Variants in PCYT1B observed in about 807,000 individuals in gnomAD.
PCYT1B encodes the protein phosphate cytidylyltransferase 1B, choline.
PCYT1B carries 10 observed loss-of-function variants against 26.4 expected under a neutral mutation model. The observed-to-expected ratio is 0.38, with a 90% confidence interval of 0.23 to 0.64. The LOEUF is 0.64. PCYT1B is among the 30% of genes least tolerant of loss of function. The probability of loss-of-function intolerance (pLI) is 0.56; values close to 1 mark genes in which losing one functional copy is unlikely to be tolerated. For synonymous variants in PCYT1B, 131 were observed against 108.4 expected (o/e 1.21, Z -1.29); for missense variants, 161 against 292.7 (o/e 0.55, Z 3.28).
At chrX:24,592,797 T>C (rs1306145554) in intron 3 of PCYT1B, among the ~76,000 whole-genome samples, 4 of 112,066 alleles carry the variant, frequency 3.6e-5, no homozygotes, top group Non-Finnish European at 7.5e-5. Context: ...GTTTCTTGAA[T>C]GCTTCTTCTC....
chrX:24,573,174 A>G (rs892569741), intron 7 of PCYT1B, among the ~76,000 whole-genome samples: 10 of 106,454 alleles, frequency 9.4e-5, no homozygotes, highest in Non-Finnish European at 3.9e-5. Context: ...ATATATATAT[A>G]TATTTTTGAG....
intron 2 of PCYT1B, among the ~76,000 whole-genome samples, chrX:24,616,270 C>T (rs1390532290): frequency 1.5e-4 from 13 of 88,109 alleles, no homozygotes; most frequent in Non-Finnish European, 2.8e-4. Flanking sequence ...CAGAGTCTTG[C>T]GCTGTCGCCT....
chrX:24,579,220 C>T, intron 6 of PCYT1B, 96 bp downstream of exon 6: 1 of 695,490 alleles, frequency 1.4e-6, no homozygotes, highest in Non-Finnish European at 2.1e-6. Context: ...AGAGGGAGAA[C>T]ACTGCATAGC....
At chrX:24,652,481 C>A (rs1412995331) in intron 1 of PCYT1B, among the ~76,000 whole-genome samples, 1 of 109,836 alleles carries the variant, frequency 9.1e-6, no homozygotes, top group Non-Finnish European at 1.9e-5. Flanking sequence ...ATCGCTTGAA[C>A]CCAGGAGGCG....
upstream of PCYT1B, among the ~76,000 whole-genome samples, chrX:24,648,355 T>C (rs928796543): frequency 4.6e-5 from 5 of 109,667 alleles, no homozygotes; most frequent in African/African-American, 1.7e-4. Flanking sequence ...TTAATCTTTG[T>C]GAGAACCCAA....
intron 1 of PCYT1B, among the ~76,000 whole-genome samples, chrX:24,641,451 GAAGT>G (rs777339004): frequency 4.1e-4 from 46 of 112,475 alleles, no homozygotes; most frequent in African/African-American, 1.4e-3. Flanking sequence ...TGCAAAACAT[GAAGT>G]AAGGAAAAGT....
intron 3 of PCYT1B, among the ~76,000 whole-genome samples, chrX:24,593,703 T>A (rs1276841642): frequency 9.2e-6 from 1 of 108,697 alleles, no homozygotes; most frequent in Non-Finnish European, 1.9e-5. Flanking sequence ...ATTTTTGTAT[T>A]TTTAATAGAG....
chrX:24,626,098 G>C (rs1290717302), intron 1 of PCYT1B, among the ~76,000 whole-genome samples: 1 of 110,582 alleles, frequency 9.0e-6, no homozygotes, highest in East Asian at 2.8e-4. Flanking sequence ...TGGGTGACAA[G>C]AGTGAAACTC....
At chrX:24,564,588 G>A (rs911895152) in intron 7 of PCYT1B, among the ~76,000 whole-genome samples, 7 of 110,296 alleles carry the variant, frequency 6.3e-5, no homozygotes, top group Admixed American at 9.6e-5. Context: ...TCCTGACCTC[G>A]TGATCCGCCC....
Position 24,562,522 on chromosome X carries a change from G to A in PCYT1B, c.898-17C>T. On this transcript the variant is annotated splice_polypyrimidine_tract_variant and intron_variant, in intron 7 of 7. Transcript: ENST00000379144. ...CATCTGCTTCTAAAGATAAATTGGA[G>A]AGAAGGCATCTGTTAACTTTGCAAT... The A allele has an allele frequency of 8.5e-7, 1 of 1,179,814 alleles. No homozygotes were observed. The highest frequency in any genetic ancestry group is 1.1e-6 in the Non-Finnish European group (1 of 875,266).
At chrX:24,652,841 T>C (rs1926813163) in intron 1 of PCYT1B, among the ~76,000 whole-genome samples, 1 of 111,417 alleles carries the variant, frequency 9.0e-6, no homozygotes, top group East Asian at 2.9e-4. Context: ...CCCAGCACTT[T>C]GGGAGGCTGA....
At chrX:24,593,667 C>T (rs992302455) in intron 3 of PCYT1B, among the ~76,000 whole-genome samples, 4 of 108,737 alleles carry the variant, frequency 3.7e-5, no homozygotes, top group Admixed American at 2.0e-4. Flanking sequence ...GCTGGGATTA[C>T]AGGCACCTGC....
At chrX:24,645,115 C>T (rs1208220581) in intron 1 of PCYT1B, among the ~76,000 whole-genome samples, 1 of 110,453 alleles carries the variant, frequency 9.1e-6, no homozygotes, top group African/African-American at 3.3e-5. Context: ...ATTTTCTCTG[C>T]CCATCTCCCT....
chrX:24,614,516 C>A (rs373160481), intron 2 of PCYT1B, among the ~76,000 whole-genome samples: 2 of 110,940 alleles, frequency 1.8e-5, no homozygotes, highest in Non-Finnish European at 3.8e-5. Flanking sequence ...GCCAACATGG[C>A]GAAACCAGCT....
rs1174485364 is a variant in PCYT1B, at chrX:24,561,801, C to CT, written c.*491dup. On this transcript the variant is annotated 3_prime_UTR_variant, in exon 8 of 8. Coordinates refer to ENST00000379144, the MANE Select transcript of PCYT1B (RefSeq NM_004845.5). ...GTGGCTGGACTGAGGAGGTTGGAAT[C>CT]TGTCTTTTTCTCGACTATTTCAGAA... 1.4e-5 allele frequency: 5 copies of CT among 350,898 alleles called. No homozygotes were observed. Among genetic ancestry groups the CT allele is most frequent in the Non-Finnish European group, 2.5e-5 (5 of 200,313 alleles). The allele number at this position is 350,898 out of a possible 1,213,427, so 28.9% of individuals were successfully genotyped here. A position where few individuals can be genotyped will look rare whatever the true frequency, so the allele number is the denominator to read the frequency against.
intron 1 of PCYT1B, among the ~76,000 whole-genome samples, chrX:24,660,044 A>G (rs113770753): frequency 0.016 from 1,788 of 111,666 alleles, 41 homozygotes; most frequent in African/African-American, 0.056. Context: ...GGAGCTTTCA[A>G]AAACACTGAG....
intron 3 of PCYT1B, among the ~76,000 whole-genome samples, chrX:24,593,201 C>CAGGGG (rs1206577768): frequency 9.0e-6 from 1 of 111,573 alleles, no homozygotes; most frequent in East Asian, 2.8e-4. Flanking sequence ...CCATACCTGG[C>CAGGGG]CCCTAGTAGG....
At chrX:24,627,831 A>G (rs946106483) in intron 1 of PCYT1B, among the ~76,000 whole-genome samples, 1 of 111,444 alleles carries the variant, frequency 9.0e-6, no homozygotes, top group Non-Finnish European at 1.9e-5. Flanking sequence ...AAAACTTGAA[A>G]CAGATTGGAT....
chrX:24,579,588 G>T, intron 5 of PCYT1B, 130 bp from the exon 6 acceptor site: 1 of 540,990 alleles, frequency 1.8e-6, no homozygotes, highest in Non-Finnish European at 3.1e-6. Flanking sequence ...TTTACGTCTG[G>T]CCCCAAGTGA....
Sources: gnomAD v4.1 joint callset for allele counts (sites outside exome capture counted in the v4.1 genomes callset) on GRCh38, gnomAD v4.1.1 for gene constraint, MANE v1.5 for transcripts, NCBI Gene and HGNC (gene_info 2026-07-23, HGNC 2026-07-21) for gene names.